The following COL25A1 variants were observed in gnomAD, a reference collection of about 807,000 sequenced individuals.
COL25A1 encodes collagen type XXV alpha 1 chain.
In COL25A1, 103 loss-of-function variants were observed where a neutral mutation model predicts 128.4. That is an observed-to-expected ratio of 0.80 (90% CI 0.68 to 0.94). The LOEUF (loss-of-function observed/expected upper bound fraction) is 0.94, where lower values mean the gene tolerates loss of function less well. COL25A1 is among the 40% of genes least tolerant of loss of function. The probability of loss-of-function intolerance (pLI) is 0.00; values close to 1 mark genes in which losing one functional copy is unlikely to be tolerated. For synonymous variants in COL25A1, 279 were observed against 277.2 expected, an observed-to-expected ratio of 1.01 and a Z score of -0.06; for missense variants, 745 against 840.0, an observed-to-expected ratio of 0.89 and a Z score of 1.40.
chr4:109,196,394 T>A (rs1247491095), intron 3 of COL25A1, among the ~76,000 whole-genome samples: 1 of 152,118 alleles, frequency 6.6e-6, no homozygotes, highest in Non-Finnish European at 1.5e-5. Context: ...AACATGCATA[T>A]GTGAATGTGT....
chr4:109,263,890 T>TA (rs1209900980), intron 3 of COL25A1, among the ~76,000 whole-genome samples: 4 of 152,206 alleles, frequency 2.6e-5, no homozygotes, highest in Non-Finnish European at 5.9e-5. Flanking sequence ...TAACACTTGC[T>TA]AAATGTCCTC....
At chr4:108,993,597 C>T (rs1373730398) in intron 6 of COL25A1, among the ~76,000 whole-genome samples, 2 of 152,300 alleles carry the variant, frequency 1.3e-5, no homozygotes, top group South Asian at 2.1e-4. Flanking sequence ...CGGTGACTCA[C>T]GCCTGTAATC....
intron 3 of COL25A1, among the ~76,000 whole-genome samples, chr4:109,124,060 A>G (rs1768361805): frequency 6.6e-6 from 1 of 152,152 alleles, no homozygotes. Context: ...ACAAAATGTA[A>G]AACTAGAAAT....
chr4:108,935,863 A>G (rs1293624842), intron 11 of COL25A1, among the ~76,000 whole-genome samples: 1 of 152,178 alleles, frequency 6.6e-6, no homozygotes, highest in Non-Finnish European at 1.5e-5. Context: ...ATTTTTAAAA[A>G]ATATATCCAT....
At chr4:109,248,145 TATAA>T (rs1463425409) in intron 3 of COL25A1, among the ~76,000 whole-genome samples, 10 of 152,222 alleles carry the variant, frequency 6.6e-5, no homozygotes, top group African/African-American at 2.4e-4. Context: ...TTTACATATA[TATAA>T]ATGTATTGCT....
At chr4:109,020,420 A>C (rs1375187963) in intron 5 of COL25A1, among the ~76,000 whole-genome samples, 1 of 151,622 alleles carries the variant, frequency 6.6e-6, no homozygotes, top group Non-Finnish European at 1.5e-5. Flanking sequence ...AGAGGAAAAT[A>C]AGTGGTTCAT....
At chr4:109,015,050 G>A (rs2126054255) in intron 5 of COL25A1, among the ~76,000 whole-genome samples, 1 of 152,340 alleles carries the variant, frequency 6.6e-6, no homozygotes, top group South Asian at 2.1e-4. Flanking sequence ...CATGACCAGA[G>A]GAGAGGTTTC....
chr4:108,833,351 T>C (rs1733397778), intron 31 of COL25A1, among the ~76,000 whole-genome samples: 1 of 152,188 alleles, frequency 6.6e-6, no homozygotes, highest in Non-Finnish European at 1.5e-5. Flanking sequence ...AAAGGTATAA[T>C]TCCCCTTTGT....
intron 34 of COL25A1, among the ~76,000 whole-genome samples, chr4:108,824,540 T>G (rs914717032): frequency 2.0e-4 from 31 of 152,346 alleles, no homozygotes; most frequent in Admixed American, 2.6e-4. Context: ...CTCTCTGCAC[T>G]TTAGTCCGTT....
Position 109,010,384 on chromosome 4 carries a change from A to T in COL25A1, c.421-9T>A, listed in dbSNP as rs1253480368. The T allele has an allele frequency of 6.4e-7, 1 of 1,557,540 alleles. No individual in the cohort carries two copies. Among genetic ancestry groups the T allele is most frequent in the Non-Finnish European group, 8.7e-7 (1 of 1,153,680 alleles). On this transcript the variant is annotated splice_polypyrimidine_tract_variant and intron_variant, in intron 5 of 37. Coordinates refer to ENST00000399132, the MANE Select transcript of COL25A1 (RefSeq NM_198721.4). ...TGAGGACCAGGCTGTCCCTGAAATTAAAAAGAAAAAGAAAAACAATTACAA... is the reference window on the plus strand; with the variant it reads ...TGAGGACCAGGCTGTCCCTGAAATTTAAAAGAAAAAGAAAAACAATTACAA...
At chr4:108,857,994 T>C (rs968315304) in intron 24 of COL25A1, among the ~76,000 whole-genome samples, 6 of 152,062 alleles carry the variant, frequency 3.9e-5, no homozygotes, top group Admixed American at 2.0e-4. Flanking sequence ...AGTGGATTGT[T>C]GTGTAGAATT....
At chr4:109,254,914 A>G (rs1293175972) in intron 3 of COL25A1, among the ~76,000 whole-genome samples, 1 of 152,210 alleles carries the variant, frequency 6.6e-6, no homozygotes, top group Non-Finnish European at 1.5e-5. Context: ...GAAAATAAGC[A>G]TTTATCGAGC....
chr4:109,027,919 C>T (rs1000336937), intron 5 of COL25A1, among the ~76,000 whole-genome samples: 2 of 152,058 alleles, frequency 1.3e-5, no homozygotes, highest in Non-Finnish European at 2.9e-5. Context: ...AGGAGACATC[C>T]ATGTGCAAAC....
At chr4:109,229,740 A>C (rs971723247) in intron 3 of COL25A1, among the ~76,000 whole-genome samples, 1 of 152,096 alleles carries the variant, frequency 6.6e-6, no homozygotes, top group African/African-American at 2.4e-5. Context: ...GGGCAACTCA[A>C]ATTTTTCAAC....
Position 108,906,275 on chromosome 4 carries a change from C to T in COL25A1, c.781-5103G>A, listed in dbSNP as rs147751902. The stretch of plus-strand genomic sequence containing the variant: ...CACCTTGCTCCAGTGTGGAAAGCAG[C>T]CACCTGCCCAGGGCCTTTGCACCTA... On this transcript the variant is annotated intron_variant, in intron 13 of 37. Transcript: ENST00000399132. 4.6e-5 allele frequency among the ~76,000 whole-genome samples: 7 copies of T among 152,224 alleles called. No homozygotes were observed. In the East Asian group the frequency reaches 1.4e-3, roughly 29 times the overall value.
chr4:108,852,838 G>A (rs1403747585), intron 25 of COL25A1, 64 bp downstream of exon 25: 1 of 1,285,826 alleles, frequency 7.8e-7, no homozygotes, highest in African/African-American at 1.5e-5. Flanking sequence ...GTACCATTTT[G>A]GCTGGCATGC....
intron 3 of COL25A1, among the ~76,000 whole-genome samples, chr4:109,095,131 T>C (rs1765278455): frequency 6.6e-6 from 1 of 152,222 alleles, no homozygotes; most frequent in Non-Finnish European, 1.5e-5. Context: ...TGTAACAAAA[T>C]GAGTTACTTC....
chr4:109,137,777 A>C (rs1457951041), intron 3 of COL25A1, among the ~76,000 whole-genome samples: 3 of 152,156 alleles, frequency 2.0e-5, no homozygotes, highest in Admixed American at 1.3e-4. Flanking sequence ...ATCTCAAAAA[A>C]CATCTGTGGA....
intron 11 of COL25A1, among the ~76,000 whole-genome samples, chr4:108,937,568 C>T (rs1747579508): frequency 7.1e-6 from 1 of 140,690 alleles, no homozygotes; most frequent in Non-Finnish European, 1.5e-5. Flanking sequence ...CTCCTTTGAC[C>T]TGCAGCATCT....
Sources: allele counts gnomAD v4.1 joint callset (sites outside exome capture counted in the v4.1 genomes callset), GRCh38; gene constraint gnomAD v4.1.1; transcripts MANE v1.5; gene names NCBI Gene and HGNC (gene_info 2026-07-23, HGNC 2026-07-21).